Variants in SEMA3A observed in about 807,000 individuals in gnomAD.
SEMA3A encodes semaphorin-3A.
A neutral mutation model predicts 97.9 loss-of-function variants in SEMA3A; 29 were observed. The ratio of observed to expected loss-of-function variants is 0.30; its 90% CI spans 0.22 to 0.40. The LOEUF (loss-of-function observed/expected upper bound fraction) is 0.40. Among genes scored for constraint, SEMA3A ranks in the 10% least tolerant of loss-of-function variants. SEMA3A has a pLI of 1.00. For synonymous variants in SEMA3A, 321 were observed against 323.7 expected (o/e 0.99, Z 0.09); for missense variants, 763 against 951.3 (o/e 0.80, Z 2.60).
intron 1 of SEMA3A, among the ~76,000 whole-genome samples, chr7:84,456,427 C>G (rs896076383): frequency 1.3e-5 from 2 of 151,750 alleles, no homozygotes; most frequent in African/African-American, 4.8e-5. Context: ...ATATATCAGA[C>G]ACTCTGATTA....
chr7:84,081,317 G>A (rs1229547957), intron 4 of SEMA3A, among the ~76,000 whole-genome samples: 1 of 152,048 alleles, frequency 6.6e-6, no homozygotes, highest in Non-Finnish European at 1.5e-5. Flanking sequence ...GTAGGGCCGG[G>A]CGCGGTGGCT....
intron 2 of SEMA3A, among the ~76,000 whole-genome samples, chr7:84,353,718 A>G (rs1344379579): frequency 1.3e-5 from 2 of 151,774 alleles, no homozygotes; most frequent in Admixed American, 1.3e-4. Flanking sequence ...ATCTGAAATC[A>G]AATTCTCAAA....
intron 4 of SEMA3A, among the ~76,000 whole-genome samples, chr7:84,078,956 A>G (rs376827704): frequency 6.6e-6 from 1 of 152,060 alleles, no homozygotes; most frequent in Non-Finnish European, 1.5e-5. Flanking sequence ...CTTAATCACC[A>G]TAGAGGTACT....
intron 4 of SEMA3A, among the ~76,000 whole-genome samples, chr7:84,063,642 T>G (rs537971155): frequency 6.6e-6 from 1 of 151,536 alleles, no homozygotes; most frequent in Non-Finnish European, 1.5e-5. Context: ...CAGGAGACGA[T>G]GCGATCAACT....
chr7:84,361,166 A>G (rs749338368), intron 2 of SEMA3A, among the ~76,000 whole-genome samples: 2 of 152,078 alleles, frequency 1.3e-5, no homozygotes, highest in Non-Finnish European at 2.9e-5. Context: ...AGTTTTCACA[A>G]CTTCCAGAAG....
intron 2 of SEMA3A, among the ~76,000 whole-genome samples, chr7:84,356,685 A>T (rs1454457563): frequency 6.6e-6 from 1 of 151,982 alleles, no homozygotes; most frequent in African/African-American, 2.4e-5. Flanking sequence ...ATATAAAGTA[A>T]ACTTGGTACA....
At chr7:84,429,956 G>C (rs1015346581) in intron 1 of SEMA3A, among the ~76,000 whole-genome samples, 1 of 151,694 alleles carries the variant, frequency 6.6e-6, no homozygotes, top group Non-Finnish European at 1.5e-5. Flanking sequence ...GGAGCTTTAC[G>C]CTGTTGCAAA....
At chr7:84,164,625 G>A (rs1431562882) in intron 1 of SEMA3A, among the ~76,000 whole-genome samples, 1 of 152,204 alleles carries the variant, frequency 6.6e-6, no homozygotes, top group African/African-American at 2.4e-5. Context: ...ACCCTAGGAG[G>A]TAGATATTAT....
chr7:84,270,093 G>A (rs78682259), intron 3 of SEMA3A, among the ~76,000 whole-genome samples: 3,958 of 152,180 alleles, frequency 0.026, 83 homozygotes, highest in Middle Eastern at 0.058. Context: ...GGTAAGATCA[G>A]TTTTCAAAGG....
intron 12 of SEMA3A, among the ~76,000 whole-genome samples, chr7:83,998,438 A>C (rs1790304434): frequency 6.6e-6 from 1 of 152,180 alleles, no homozygotes; most frequent in African/African-American, 2.4e-5. Context: ...TAGGGCATTT[A>C]TCATGAATGG....
At chr7:84,184,659 A>C (rs1797824790) in intron 1 of SEMA3A, among the ~76,000 whole-genome samples, 1 of 152,090 alleles carries the variant, frequency 6.6e-6, no homozygotes, top group South Asian at 2.1e-4. Flanking sequence ...CTGGAAAGAT[A>C]GAAGGCAATT....
chr7:83,983,201 TTCTC>T (rs1410434421), intron 13 of SEMA3A, among the ~76,000 whole-genome samples: 2 of 150,338 alleles, frequency 1.3e-5, no homozygotes, highest in Admixed American at 1.3e-4. Context: ...CTTTCTTTCT[TTCTC>T]TTTCTTTCCT....
chr7:84,047,990 T>C (rs1041011348), intron 5 of SEMA3A, among the ~76,000 whole-genome samples: 2 of 151,972 alleles, frequency 1.3e-5, no homozygotes, highest in Admixed American at 6.6e-5. Context: ...AGAAAATCAC[T>C]GAGCAACATA....
At chr7:84,480,031 C>T (rs1384749862) in intron 1 of SEMA3A, among the ~76,000 whole-genome samples, 1 of 152,118 alleles carries the variant, frequency 6.6e-6, no homozygotes, top group Non-Finnish European at 1.5e-5. Context: ...TTATTTAAGG[C>T]ATACTGCATC....
chr7:84,161,102 A>G (rs1039588387), intron 1 of SEMA3A, among the ~76,000 whole-genome samples: 5 of 151,858 alleles, frequency 3.3e-5, no homozygotes, highest in Non-Finnish European at 5.9e-5. Flanking sequence ...GTGGTGTCTC[A>G]TGCCTGTAAT....
intron 1 of SEMA3A, among the ~76,000 whole-genome samples, chr7:84,397,462 CATA>C (rs1268369307): frequency 1.4e-5 from 2 of 147,268 alleles, no homozygotes; most frequent in South Asian, 2.1e-4. Flanking sequence ...ATAACGTATA[CATA>C]ATATGTATTA....
intron 2 of SEMA3A, among the ~76,000 whole-genome samples, chr7:84,360,232 G>C (rs1802682521): frequency 6.6e-6 from 1 of 151,922 alleles, no homozygotes; most frequent in African/African-American, 2.4e-5. Context: ...TGTGATGTTA[G>C]GGTGTCAATT....
chr7:84,302,972 A>C (rs539584057), intron 3 of SEMA3A, among the ~76,000 whole-genome samples: 1 of 152,338 alleles, frequency 6.6e-6, no homozygotes, highest in East Asian at 1.9e-4. Flanking sequence ...AAAGAAAAAG[A>C]AAAGAACAGT....
At chr7:84,476,613 A>C (rs1806289523) in intron 1 of SEMA3A, among the ~76,000 whole-genome samples, 1 of 152,112 alleles carries the variant, frequency 6.6e-6, no homozygotes, top group African/African-American at 2.4e-5. Context: ...TACTGAATGT[A>C]TTGTGTTGCT....
Sources: gnomAD v4.1 joint callset for allele counts (sites outside exome capture counted in the v4.1 genomes callset) on GRCh38, gnomAD v4.1.1 for gene constraint, MANE v1.5 for transcripts, NCBI Gene and HGNC (gene_info 2026-07-23, HGNC 2026-07-21) for gene names.